Variants in SLC7A5 observed in about 807,000 individuals in gnomAD.
The protein encoded by SLC7A5 is large neutral amino acids transporter small subunit 1.
A neutral mutation model predicts 50.2 loss-of-function variants in SLC7A5; 23 were observed. The ratio of observed to expected loss-of-function variants is 0.46; its 90% CI spans 0.33 to 0.65. The LOEUF (loss-of-function observed/expected upper bound fraction) is 0.65, where lower values mean the gene tolerates loss of function less well. SLC7A5 is among the 30% of genes least tolerant of loss of function. The pLI is 0.02. For missense variants in SLC7A5, 578 were observed against 684.4 expected (o/e 0.84, Z 1.73); for synonymous variants, 393 against 330.6 (o/e 1.19, Z -2.05).
chr16:87,837,440 C>T (rs2055021090), intron 7 of SLC7A5: 1 of 248,280 alleles, frequency 4.0e-6, no homozygotes, highest in Non-Finnish European at 7.9e-6. Context: ...TGATGTGTGA[C>T]ACAGCCAGAG....
At chr16:87,837,151 G>A (rs1226277823) in intron 7 of SLC7A5, among the ~76,000 whole-genome samples, 1 of 152,232 alleles carries the variant, frequency 6.6e-6, no homozygotes, top group Non-Finnish European at 1.5e-5. Flanking sequence ...GTAAGCAAGG[G>A]CCAGGACCTC....
intron 2 of SLC7A5, among the ~76,000 whole-genome samples, chr16:87,843,033 G>T (rs1597499020): frequency 6.6e-6 from 1 of 152,124 alleles, no homozygotes; most frequent in African/African-American, 2.4e-5. Flanking sequence ...GGCTGCTTGA[G>T]AATCAAGGTC....
At chr16:87,837,780 C>T in intron 7 of SLC7A5, 65 bp downstream of exon 7, 1 of 1,346,982 alleles carries the variant, frequency 7.4e-7, no homozygotes, top group East Asian at 2.4e-5. Context: ...CTGTGGCAGC[C>T]TCCCTCTGGG....
In SLC7A5 at chr16:87,860,325, CAA is replaced by C. The variant is rs1179150611; in HGVS notation, c.539-8478_539-8477del. Among the ~76,000 whole-genome samples the C allele has an allele frequency of 2.9e-3, 229 of 78,982 alleles. 2 individuals carry two copies. The highest frequency in any genetic ancestry group is 0.011 in the African/African-American group (206 of 19,174). The allele number at this position is 78,982 out of a possible 152,430, so 51.8% of individuals were successfully genotyped here. A position where few individuals can be genotyped will look rare whatever the true frequency, so the allele number is the denominator to read the frequency against. ...TCCAGCCCGAGTAACAAAAGCATCTCAAAAAAAAAAAAAAATACACACACACA... is the reference window on the plus strand; with the variant it reads ...TCCAGCCCGAGTAACAAAAGCATCTCAAAAAAAAAAAAATACACACACACA... On this transcript the variant is annotated intron_variant, in intron 1 of 9. Transcript: ENST00000261622. This position sits in a 1 kb window ranked among gnomAD's most constrained non-coding sequence, Gnocchi z 4.8.
chr16:87,838,005 C>T, intron 6 of SLC7A5, 64 bp from the exon 7 acceptor site: 1 of 1,289,988 alleles, frequency 7.8e-7, no homozygotes, highest in Non-Finnish European at 1.1e-6. Flanking sequence ...GGACAGGGGA[C>T]ACGCAGGCTG....
intron 6 of SLC7A5, among the ~76,000 whole-genome samples, chr16:87,838,280 C>T (rs2055037763): frequency 2.1e-5 from 3 of 144,038 alleles, no homozygotes; most frequent in African/African-American, 7.7e-5. Context: ...ATTATTTGGG[C>T]TTGCTGCTGC....
Position 87,841,303 on chromosome 16 carries a change from C to T in SLC7A5, c.665-148G>A, listed in dbSNP as rs1170413429. On this transcript the variant is annotated intron_variant, in intron 2 of 9. Transcript: ENST00000261622. The surrounding 1 kb of genome is among the most constrained non-coding windows in gnomAD (Gnocchi z 4.8). ...CACTGTGACAAATGGTATGTACCTG[C>T]TGAGCCACATGGAGGGTGCAGGGTT... 15 of 675,016 alleles carry T rather than the reference C, an allele frequency of 2.2e-5. No homozygotes were observed. Among genetic ancestry groups the T allele is most frequent in the Non-Finnish European group, 3.5e-5 (13 of 367,548 alleles). 41.8% of individuals were successfully genotyped at this position (675,016 alleles called of 1,614,324 possible). A position where few individuals can be genotyped will look rare whatever the true frequency, so the allele number is the denominator to read the frequency against.
At chr16:87,858,277 C>CG (rs2055345421) in intron 1 of SLC7A5, among the ~76,000 whole-genome samples, 1 of 152,198 alleles carries the variant, frequency 6.6e-6, no homozygotes, top group South Asian at 2.1e-4. Flanking sequence ...ACGTGTCTTA[C>CG]GGCGCCCCAT....
intron 1 of SLC7A5, among the ~76,000 whole-genome samples, chr16:87,854,196 G>A (rs1410391823): frequency 2.6e-5 from 4 of 151,820 alleles, no homozygotes; most frequent in East Asian, 1.9e-4. Flanking sequence ...ATCTCCTGAC[G>A]TTGGAAATAA....
chr16:87,843,131 C>T (rs2055102657), intron 2 of SLC7A5, among the ~76,000 whole-genome samples: 1 of 152,068 alleles, frequency 6.6e-6, no homozygotes, highest in African/African-American at 2.4e-5. Flanking sequence ...CTGTGACCAC[C>T]CCCGGACTCA....
chr16:87,866,559 G>T (rs2143838431), intron 1 of SLC7A5, among the ~76,000 whole-genome samples: 1 of 152,086 alleles, frequency 6.6e-6, no homozygotes, highest in Admixed American at 6.5e-5. Context: ...TCCACCTCCT[G>T]GGTTCTAGTG....
At chr16:87,849,419 G>C (rs1002274059) in intron 2 of SLC7A5, among the ~76,000 whole-genome samples, 3 of 152,212 alleles carry the variant, frequency 2.0e-5, no homozygotes, top group Non-Finnish European at 4.4e-5. Context: ...GTGGGAGGAC[G>C]CTTTCAACAG....
chr16:87,844,237 G>GC (rs1456483960), intron 2 of SLC7A5, among the ~76,000 whole-genome samples: 8 of 152,232 alleles, frequency 5.3e-5, no homozygotes, highest in South Asian at 2.1e-4. Context: ...TGCCATGAAA[G>GC]CAAACGCACA....
In SLC7A5 at chr16:87,862,119, G is replaced by GGGCTACA. The variant is rs2055406137; in HGVS notation, c.538+6759_538+6765dup. On this transcript the variant is annotated intron_variant, in intron 1 of 9. Coordinates refer to ENST00000261622, the MANE Select transcript of SLC7A5 (RefSeq NM_003486.7). This position sits in a 1 kb window ranked among gnomAD's most constrained non-coding sequence, Gnocchi z 5.3. Reference sequence around the variant, plus strand: ...TTACACAGGCCTGGACTGAGAAGTGGGGCTACAGGCTACAGGTGCTTGATA... The same window carrying GGGCTACA: ...TTACACAGGCCTGGACTGAGAAGTGGGGCTACAGGCTACAGGCTACAGGTGCTTGATA... Among the ~76,000 whole-genome samples, 1 of 152,104 alleles carries GGGCTACA rather than the reference G, an allele frequency of 6.6e-6. No homozygotes were observed. The highest frequency in any genetic ancestry group is 1.5e-5 in the Non-Finnish European group (1 of 68,010).
chr16:87,854,422 GA>G (rs2055287850), intron 1 of SLC7A5, among the ~76,000 whole-genome samples: 2 of 152,252 alleles, frequency 1.3e-5, no homozygotes, highest in South Asian at 4.1e-4. Context: ...ACAAATACAT[GA>G]ATTCATCTGG....
At position 87,841,940 on chromosome 16, in the gene SLC7A5, G is replaced by C. The variant is rs1484947546; in HGVS notation, c.665-785C>G. Among the ~76,000 whole-genome samples, 1 of 152,212 alleles carries C rather than the reference G, an allele frequency of 6.6e-6. No homozygotes were observed. The highest frequency in any genetic ancestry group is 1.9e-4 in the East Asian group (1 of 5,196). On this transcript the variant is annotated intron_variant, in intron 2 of 9. Transcript: ENST00000261622. The surrounding 1 kb of genome is among the most constrained non-coding windows in gnomAD (Gnocchi z 4.8). ...TTCCCCAGGAGGACATGTCTTTTGG[G>C]GGAAGGGGTGTCTCCGGAAGGTCAC...
chr16:87,844,691 C>T, intron 2 of SLC7A5, among the ~76,000 whole-genome samples: 1 of 152,216 alleles, frequency 6.6e-6, no homozygotes. Flanking sequence ...CATCCCGGAA[C>T]CTCAGGGCTG....
At chr16:87,867,973 C>T (rs187965486) in intron 1 of SLC7A5, among the ~76,000 whole-genome samples, 99 of 151,994 alleles carry the variant, frequency 6.5e-4, no homozygotes, top group African/African-American at 2.2e-3. Context: ...AAAAATTACC[C>T]GGGCGTAGTG....
chr16:87,868,502 C>CT (rs2055491382), intron 1 of SLC7A5, among the ~76,000 whole-genome samples: 1 of 152,134 alleles, frequency 6.6e-6, no homozygotes, highest in Admixed American at 6.5e-5. Flanking sequence ...AGTCAGCAAT[C>CT]GGAGCTCTAA....
Sources: allele counts gnomAD v4.1 joint callset (sites outside exome capture counted in the v4.1 genomes callset), GRCh38; gene constraint gnomAD v4.1.1; non-coding constraint Gnocchi (gnomAD v3.1); transcripts MANE v1.5; gene names NCBI Gene and HGNC (gene_info 2026-07-23, HGNC 2026-07-21).